Variants in C2orf66 observed in about 807,000 individuals in gnomAD.
C2orf66 encodes the protein uncharacterized protein C2orf66.
Under a neutral mutation model 7.0 loss-of-function variants are expected in C2orf66, and 6 were observed. That is an observed-to-expected ratio of 0.86 (90% confidence interval 0.47 to 1.69). C2orf66 has a LOEUF of 1.69. Among genes scored for constraint, C2orf66 ranks in the 40% most tolerant of loss-of-function variants. The probability of loss-of-function intolerance (pLI) is 0.01; values close to 1 mark genes in which losing one functional copy is unlikely to be tolerated. For missense variants in C2orf66, 107 were observed against 112.0 expected, an observed-to-expected ratio of 0.96 and a Z score of 0.20; for synonymous variants, 38 against 43.8, an observed-to-expected ratio of 0.87 and a Z score of 0.52.
At chr2:196,823,719 T>C in the C2orf66 span, among the ~76,000 whole-genome samples, 3 of 152,184 alleles carry the variant, frequency 2.0e-5, no homozygotes, top group Non-Finnish European at 2.9e-5. Context: ...TTTGTTTGTC[T>C]AGTTTGGTGA....
At chr2:196,816,459 G>A in the C2orf66 span, among the ~76,000 whole-genome samples, 8 of 152,192 alleles carry the variant, frequency 5.3e-5, no homozygotes, top group Non-Finnish European at 1.2e-4. Context: ...GGAGAAATCT[G>A]TCGTATTCTT....
chr2:196,818,307 A>T, the C2orf66 span, among the ~76,000 whole-genome samples: 1 of 152,202 alleles, frequency 6.6e-6, no homozygotes, highest in African/African-American at 2.4e-5. Flanking sequence ...AGGAGGCCCC[A>T]GGCCAAGCAA....
upstream of C2orf66, among the ~76,000 whole-genome samples, chr2:196,814,170 C>T (rs993200816): frequency 2.0e-5 from 3 of 152,186 alleles, no homozygotes; most frequent in African/African-American, 7.2e-5. Flanking sequence ...TTGGAACCAA[C>T]CCAAATGTCC....
At chr2:196,827,591 A>C in the C2orf66 span, among the ~76,000 whole-genome samples, 1 of 152,158 alleles carries the variant, frequency 6.6e-6, no homozygotes, top group Non-Finnish European at 1.5e-5. Flanking sequence ...CTGAATCATA[A>C]AGTTTCTTCT....
the C2orf66 span, among the ~76,000 whole-genome samples, chr2:196,816,032 T>C: frequency 6.6e-6 from 1 of 152,328 alleles, no homozygotes; most frequent in South Asian, 2.1e-4. Context: ...TAGCAATAAC[T>C]GCTTTTTTTG....
chr2:196,808,642 C>A (rs941991550), intron 1 of C2orf66, among the ~76,000 whole-genome samples: 5 of 152,162 alleles, frequency 3.3e-5, no homozygotes. Flanking sequence ...TTTAGAAAAA[C>A]CATATTTCAA....
the C2orf66 span, among the ~76,000 whole-genome samples, chr2:196,823,622 G>C: frequency 9.4e-6 from 1 of 106,950 alleles, no homozygotes; most frequent in African/African-American, 5.0e-5. Flanking sequence ...GTGAGACCCT[G>C]TCTCAAACAA....
chr2:196,821,507 T>G, the C2orf66 span, among the ~76,000 whole-genome samples: 5 of 152,220 alleles, frequency 3.3e-5, no homozygotes, highest in Non-Finnish European at 5.9e-5. Flanking sequence ...CTGAGCTTCT[T>G]CTGTCATCCA....
At chr2:196,825,920 T>G in the C2orf66 span, among the ~76,000 whole-genome samples, 1 of 152,194 alleles carries the variant, frequency 6.6e-6, no homozygotes, top group Admixed American at 6.5e-5. Context: ...TTGTTCACTT[T>G]AAGAATAATG....
the C2orf66 span, among the ~76,000 whole-genome samples, chr2:196,822,911 T>G: frequency 1.3e-5 from 2 of 152,086 alleles, no homozygotes; most frequent in African/African-American, 4.8e-5. Context: ...CTGTTATATG[T>G]AGGGCAATCT....
chr2:196,824,578 AT>A, the C2orf66 span, among the ~76,000 whole-genome samples: 1 of 152,348 alleles, frequency 6.6e-6, no homozygotes, highest in South Asian at 2.1e-4. Flanking sequence ...AACTTTCTAA[AT>A]TTAAAACTGT....
chr2:196,809,287 C>A lies in C2orf66; in HGVS notation c.50G>T (p.Gly17Val). Residue 17 changes from glycine (G) to valine (V), a missense_variant, in exon 1 of 3, where the codon GGG (glycine) becomes GTG (valine). Coordinates refer to ENST00000342506, the MANE Select transcript of C2orf66 (RefSeq NM_213608.3). ...LLLCVALVLL[G>V]HVNGATVRNE... is the part of the protein sequence containing the mutation. ...TCTTACTGTGGCTCCATTCACATGC[C>A]CAAGCAGCACCAGGGCAACACATAG... 1.2e-6 allele frequency: 2 copies of A among 1,614,066 alleles called. No individual in the cohort carries two copies. Among genetic ancestry groups the A allele is most frequent in the Non-Finnish European group, 1.7e-6 (2 of 1,180,006 alleles).
At chr2:196,828,209 ATCTCTC>A in the C2orf66 span, among the ~76,000 whole-genome samples, 1 of 140,642 alleles carries the variant, frequency 7.1e-6, no homozygotes, top group Non-Finnish European at 1.5e-5. Flanking sequence ...ACGAATCAAA[ATCTCTC>A]TCTCTCTCTC....
chr2:196,826,829 G>A, the C2orf66 span, among the ~76,000 whole-genome samples: 8 of 151,984 alleles, frequency 5.3e-5, no homozygotes, highest in Non-Finnish European at 1.2e-4. Context: ...TCAGGAGATC[G>A]AGACCATCCT....
the C2orf66 span, among the ~76,000 whole-genome samples, chr2:196,822,208 C>T: frequency 6.6e-6 from 1 of 151,624 alleles, no homozygotes; most frequent in South Asian, 2.1e-4. Flanking sequence ...CCACTGCGCC[C>T]GGCCACAACC....
In C2orf66 at chr2:196,807,601, A is replaced by G. The variant is rs1330993584; in HGVS notation, c.145T>C (p.Tyr49His). ...AGATCAAGACCTCTGCCCTTAAAAT[A>G]TGCCTGAAGCCTTCTGAAAAACTAA... The part of the protein sequence containing the change: ...RDLFFRRLQA[Y>H]FKGRGLDLGT... The change falls in exon 2 of 3, where the codon TAT (tyrosine) becomes CAT (histidine). Residue 49 changes from tyrosine (Y) to histidine (H), a missense_variant. By Grantham distance (83) the Tyr-to-His change is moderately conservative. Transcript: ENST00000342506. The G allele has an allele frequency of 6.2e-7, 1 of 1,612,376 alleles. No individual in the cohort carries two copies. Among genetic ancestry groups the G allele is most frequent in the Non-Finnish European group, 8.5e-7 (1 of 1,179,594 alleles).
the C2orf66 span, among the ~76,000 whole-genome samples, chr2:196,822,204 C>T: frequency 1.3e-5 from 2 of 151,802 alleles, no homozygotes; most frequent in African/African-American, 2.4e-5. Flanking sequence ...TGAGCCACTG[C>T]GCCCGGCCAC....
At chr2:196,827,806 T>C in the C2orf66 span, among the ~76,000 whole-genome samples, 4 of 152,204 alleles carry the variant, frequency 2.6e-5, no homozygotes, top group Non-Finnish European at 5.9e-5. Flanking sequence ...CATGTGTTAA[T>C]ATGAACATAC....
chr2:196,817,407 T>G, the C2orf66 span, among the ~76,000 whole-genome samples: 1 of 151,996 alleles, frequency 6.6e-6, no homozygotes, highest in Non-Finnish European at 1.5e-5. Flanking sequence ...GCTAATTTTT[T>G]TGTATTTTTA....
Sources: allele counts gnomAD v4.1 joint callset (sites outside exome capture counted in the v4.1 genomes callset), GRCh38; gene constraint gnomAD v4.1.1; transcripts MANE v1.5; gene names NCBI Gene and HGNC (gene_info 2026-07-23, HGNC 2026-07-21).